SLC39A11: variants seen among roughly 807,000 people sequenced by gnomAD.
The protein encoded by SLC39A11 is zinc transporter ZIP11.
SLC39A11 carries 33 observed loss-of-function variants against 36.1 expected under a neutral mutation model. The observed-to-expected ratio is 0.91, with a 90% CI of 0.69 to 1.22. The LOEUF is 1.22. SLC39A11 is among the 50% of genes most tolerant of loss of function. SLC39A11 has a pLI of 0.00. For missense variants in SLC39A11, 432 were observed against 430.3 expected (o/e 1.00, Z -0.03); for synonymous variants, 166 against 170.3 (o/e 0.97, Z 0.20).
intron 6 of SLC39A11, among the ~76,000 whole-genome samples, chr17:72,834,633 C>CAAAACAATAA: frequency 6.7e-6 from 1 of 148,328 alleles, no homozygotes; most frequent in Non-Finnish European, 1.5e-5. Flanking sequence ...ATAAACAAAA[C>CAAAACAATAA]AATAAAATAA....
intron 6 of SLC39A11, chr17:72,821,578 C>T (rs1302199593): frequency 7.1e-6 from 1 of 141,112 alleles, no homozygotes; most frequent in Admixed American, 7.1e-5. Context: ...AAAAAAAAAT[C>T]TGAAAAGACA....
chr17:72,749,217 G>C lies in SLC39A11; in HGVS notation c.602-12498C>G, dbSNP rs558770270. ...TGAAATCCCTGTGCCCTTTGAGTGGGGAGGGCTGCTATCTGTTGCTCCCAA... is the reference window on the plus strand; with the variant it reads ...TGAAATCCCTGTGCCCTTTGAGTGGCGAGGGCTGCTATCTGTTGCTCCCAA... On this transcript the variant is annotated intron_variant, in intron 6 of 9. Transcript: ENST00000255559. 3.9e-5 allele frequency among the ~76,000 whole-genome samples: 6 copies of C among 152,260 alleles called. No homozygotes were observed. The East Asian group carries it at 1.2e-3, about 29-fold the overall frequency.
intron 5 of SLC39A11, among the ~76,000 whole-genome samples, chr17:72,917,522 G>A (rs573476280): frequency 6.6e-6 from 1 of 152,276 alleles, no homozygotes; most frequent in South Asian, 2.1e-4. Context: ...GCTAACAGGG[G>A]AGATATACAC....
At chr17:72,901,298 G>A (rs1329294077) in intron 5 of SLC39A11, among the ~76,000 whole-genome samples, 4 of 152,210 alleles carry the variant, frequency 2.6e-5, no homozygotes, top group African/African-American at 9.6e-5. Context: ...CTGCTGAGGC[G>A]AAGGCCCACT....
chr17:72,720,696 C>A (rs2073624718), intron 7 of SLC39A11, among the ~76,000 whole-genome samples: 1 of 152,184 alleles, frequency 6.6e-6, no homozygotes, highest in Non-Finnish European at 1.5e-5. Flanking sequence ...AAATTCAGTT[C>A]ATTGGTCAGA....
At chr17:72,978,320 C>A (rs2088019019) in intron 4 of SLC39A11, among the ~76,000 whole-genome samples, 1 of 152,178 alleles carries the variant, frequency 6.6e-6, no homozygotes, top group South Asian at 2.1e-4. Context: ...GTGTTGGCGA[C>A]ACGGCCAAGA....
chr17:72,861,740 T>TTA (rs71945815), intron 5 of SLC39A11, among the ~76,000 whole-genome samples: 952 of 67,128 alleles, frequency 0.014, 10 homozygotes, highest in Non-Finnish European at 0.022. Context: ...ACATTGGAGA[T>TTA]TATATATATA....
At chr17:72,890,500 A>T (rs906075912) in intron 5 of SLC39A11, among the ~76,000 whole-genome samples, 3 of 152,168 alleles carry the variant, frequency 2.0e-5, no homozygotes, top group African/African-American at 7.2e-5. Context: ...TCCTGGCTTG[A>T]GTGACTGAGT....
At chr17:72,917,236 A>AC (rs1291542168) in intron 5 of SLC39A11, among the ~76,000 whole-genome samples, 2 of 152,168 alleles carry the variant, frequency 1.3e-5, no homozygotes, top group Non-Finnish European at 2.9e-5. Flanking sequence ...TCTCTTCTCC[A>AC]CTTCCGGGGT....
At chr17:72,744,497 T>TA (rs1259743446) in intron 6 of SLC39A11, among the ~76,000 whole-genome samples, 2 of 152,184 alleles carry the variant, frequency 1.3e-5, no homozygotes, top group Non-Finnish European at 2.9e-5. Flanking sequence ...AAGCAAACAA[T>TA]AAAAAACAAG....
intron 4 of SLC39A11, among the ~76,000 whole-genome samples, chr17:73,025,228 C>T (rs200677986): frequency 1.3e-5 from 2 of 152,126 alleles, no homozygotes; most frequent in East Asian, 3.9e-4. Flanking sequence ...TGGCCAAGTC[C>T]ACGTGGAGGA....
intron 6 of SLC39A11, among the ~76,000 whole-genome samples, chr17:72,767,528 T>G (rs1191523791): frequency 6.6e-6 from 1 of 152,144 alleles, no homozygotes; most frequent in African/African-American, 2.4e-5. Context: ...TGTCAGGTGG[T>G]ACTAAGTGCC....
At chr17:72,899,325 A>G (rs1037927867) in intron 5 of SLC39A11, among the ~76,000 whole-genome samples, 3 of 142,786 alleles carry the variant, frequency 2.1e-5, no homozygotes, top group African/African-American at 9.1e-5. Context: ...CACCTGCCAA[A>G]CCCAACTACA....
chr17:72,789,593 A>G (rs541909089), intron 6 of SLC39A11, among the ~76,000 whole-genome samples: 1 of 152,322 alleles, frequency 6.6e-6, no homozygotes, highest in South Asian at 2.1e-4. Flanking sequence ...TTCAGCAAAC[A>G]CTTATTGGTC....
chr17:72,946,325 T>A (rs548018233), intron 5 of SLC39A11, among the ~76,000 whole-genome samples: 1 of 152,302 alleles, frequency 6.6e-6, no homozygotes, highest in East Asian at 1.9e-4. Flanking sequence ...CGTAGGAAGT[T>A]GTGGGCGGCA....
intron 4 of SLC39A11, among the ~76,000 whole-genome samples, chr17:72,985,414 T>TTTTA (rs1568071296): frequency 4.4e-5 from 6 of 135,238 alleles, no homozygotes; most frequent in Admixed American, 2.4e-4. Flanking sequence ...TGCCTTTTTT[T>TTTTA]TTTTTTTTTT....
intron 4 of SLC39A11, among the ~76,000 whole-genome samples, chr17:73,024,521 T>C (rs567023275): frequency 3.3e-5 from 5 of 152,288 alleles, no homozygotes; most frequent in African/African-American, 9.6e-5. Context: ...TATTCTTTCG[T>C]GAACTAGAAT....
intron 7 of SLC39A11, among the ~76,000 whole-genome samples, chr17:72,670,072 AC>A: frequency 6.6e-6 from 1 of 151,054 alleles, no homozygotes; most frequent in Non-Finnish European, 1.5e-5. Context: ...ACATATATAT[AC>A]GTATAGATGT....
intron 4 of SLC39A11, among the ~76,000 whole-genome samples, chr17:72,969,036 G>A (rs913261783): frequency 7.2e-5 from 11 of 152,054 alleles, no homozygotes; most frequent in Admixed American, 5.2e-4. Flanking sequence ...ACGATGTCCC[G>A]TGTTCTGGAG....
Sources: allele counts gnomAD v4.1 joint callset (sites outside exome capture counted in the v4.1 genomes callset), GRCh38; gene constraint gnomAD v4.1.1; transcripts MANE v1.5; gene names NCBI Gene and HGNC (gene_info 2026-07-23, HGNC 2026-07-21).